The following CLSTN1 variants were observed in gnomAD, a reference collection of about 807,000 sequenced individuals.
The protein encoded by CLSTN1 is calsyntenin 1, also known as calsyntenin-1.
CLSTN1 carries 28 observed loss-of-function variants against 108.3 expected under a neutral mutation model. The observed-to-expected ratio is 0.26, with a 90% CI of 0.19 to 0.35. The LOEUF is 0.35. CLSTN1 is among the 10% of genes least tolerant of loss of function. The pLI, the probability that CLSTN1 is intolerant of heterozygous loss-of-function variation, is 1.00. For synonymous variants in CLSTN1, 524 were observed against 534.9 expected (o/e 0.98, Z 0.28); for missense variants, 1,157 against 1,302.6 (o/e 0.89, Z 1.72).
rs1654469718 is a variant in CLSTN1 at position 9,805,580 on chromosome 1, A to G, written c.91+18063T>C. Reference sequence around the variant, plus strand: ...AGTTAATTTTCACTAAAAATGTGTTATTTAGGTTGGGCACAATGGCTCACA... The same window carrying G: ...AGTTAATTTTCACTAAAAATGTGTTGTTTAGGTTGGGCACAATGGCTCACA... On this transcript the variant is annotated intron_variant, in intron 1 of 18. Transcript: ENST00000377298. Among the ~76,000 whole-genome samples, 9 of 152,252 alleles carry G rather than the reference A, an allele frequency of 5.9e-5. No individual in the cohort carries two copies. In the South Asian group the frequency reaches 1.7e-3, roughly 28 times the overall value.
At position 9,749,592 on chromosome 1, in the gene CLSTN1, G is replaced by C; in HGVS notation, c.854C>G (p.Pro285Arg). Residue 285 changes from proline (P) to arginine (R), a missense_variant, in exon 7 of 19, where the codon CCA becomes CGA. By Grantham distance (103) the Pro-to-Arg change is moderately radical. Transcript: ENST00000377298. ...EPGTGALAVF[P>R]NIHLETCDEP... is the part of the protein sequence containing the mutation. ...GTCACATGTCTCCAGGTGGATATTT[G>C]GAAAGACGGCCAACGCGCCGGTGCC... is the stretch of plus-strand genomic sequence containing the variant. 6.2e-7 allele frequency: 1 copy of C among 1,614,192 alleles called. No individual in the cohort carries two copies.
At chr1:9,731,489 A>G (rs1357873087) in intron 17 of CLSTN1, 99 bp from the exon 18 acceptor site, 1 of 1,263,452 alleles carries the variant, frequency 7.9e-7, no homozygotes, top group East Asian at 2.5e-5. Context: ...CGGGCTGGAC[A>G]GCACGCTTCA....
intron 4 of CLSTN1, among the ~76,000 whole-genome samples, chr1:9,752,168 A>C (rs527684710): frequency 1.3e-5 from 2 of 152,336 alleles, no homozygotes; most frequent in African/African-American, 4.8e-5. Flanking sequence ...ATTCTGTCCT[A>C]CTTCTAGGGA....
At chr1:9,742,145 A>T (rs897044758) in intron 9 of CLSTN1, among the ~76,000 whole-genome samples, 1 of 152,224 alleles carries the variant, frequency 6.6e-6, no homozygotes, top group Non-Finnish European at 1.5e-5. Flanking sequence ...GTAAACACAA[A>T]AACATTTATG....
Position 9,775,867 on chromosome 1 carries a change from C to CGGTG in CLSTN1, c.92-2474_92-2473insCACC, listed in dbSNP as rs1256422728. Reference sequence around the variant, plus strand: ...TACCTCTGCTGTACCTGCACTTTCCCCAGAGTGGCACCCAGGGAGGGGGGT... The same window carrying CGGTG: ...TACCTCTGCTGTACCTGCACTTTCCCGGTGCAGAGTGGCACCCAGGGAGGGGGGT... On this transcript the variant is annotated intron_variant, in intron 1 of 18. Coordinates refer to ENST00000377298, the MANE Select transcript of CLSTN1 (RefSeq NM_001009566.3). Among the ~76,000 whole-genome samples, 348 of 152,244 alleles carry CGGTG rather than the reference C, an allele frequency of 2.3e-3. 1 individual carries two copies. The highest frequency in any genetic ancestry group is 7.9e-3 in the African/African-American group (327 of 41,526).
At chr1:9,769,066 GGA>G (rs1196007933) in intron 2 of CLSTN1, among the ~76,000 whole-genome samples, 1 of 145,474 alleles carries the variant, frequency 6.9e-6, no homozygotes, top group Admixed American at 6.9e-5. Flanking sequence ...GGAGAGGGAG[GGA>G]GAGAGGAAGG....
At position 9,730,536 on chromosome 1, in the gene CLSTN1, T is replaced by A. The variant is rs767325519; in HGVS notation, c.2918A>T (p.Glu973Val). The change falls in exon 19 of 19, where the codon GAG becomes GTG. Residue 973 changes from glutamate (E) to valine (V), a missense_variant. Coordinates refer to ENST00000377298, the MANE Select transcript of CLSTN1 (RefSeq NM_001009566.3). The surrounding 1 kb of genome is among the most constrained non-coding windows in gnomAD (Gnocchi z 5.6). Reference protein sequence around the residue: ...PQNATRQQQLEWDDSTLSY With the variant: ...PQNATRQQQLVWDDSTLSY Reference sequence around the variant, plus strand: ...GTAGCTGAGGGTGGAGTCATCCCACTCCAGCTGCTGCTGCCGGGTTGCGTT... The same window carrying A: ...GTAGCTGAGGGTGGAGTCATCCCACACCAGCTGCTGCTGCCGGGTTGCGTT... 1 of 1,606,200 alleles carries A rather than the reference T, an allele frequency of 6.2e-7. No homozygotes were observed. Among genetic ancestry groups the A allele is most frequent in the South Asian group, 1.1e-5 (1 of 91,046 alleles).
In CLSTN1 at chr1:9,816,140, ATG is replaced by A. The variant is rs1443397752; in HGVS notation, c.91+7501_91+7502del. 2.6e-5 allele frequency among the ~76,000 whole-genome samples: 4 copies of A among 152,214 alleles called. No homozygotes were observed. In the East Asian group the frequency reaches 7.7e-4, roughly 29 times the overall value. On this transcript the variant is annotated intron_variant, in intron 1 of 18. Coordinates refer to ENST00000377298, the MANE Select transcript of CLSTN1 (RefSeq NM_001009566.3). ...ATCAGTGAATAAATGGATAAACAGA[ATG>A]TGTTATATCCCTACAAGGATATATT...
intron 16 of CLSTN1, among the ~76,000 whole-genome samples, chr1:9,732,389 A>G (rs1178185468): frequency 6.6e-6 from 1 of 152,142 alleles, no homozygotes; most frequent in African/African-American, 2.4e-5. Flanking sequence ...GCATTTTATA[A>G]AAGATTATGC....
At chr1:9,740,138 C>T (rs1650902526) in intron 10 of CLSTN1, among the ~76,000 whole-genome samples, 1 of 151,194 alleles carries the variant, frequency 6.6e-6, no homozygotes, top group Non-Finnish European at 1.5e-5. Context: ...TTGGCTCATG[C>T]AGCCTCTGCC....
chr1:9,775,023 A>C (rs931258319), intron 1 of CLSTN1, among the ~76,000 whole-genome samples: 1 of 152,030 alleles, frequency 6.6e-6, no homozygotes, highest in Non-Finnish European at 1.5e-5. Flanking sequence ...TTAGCATGCT[A>C]ATGTATTTTA....
intron 1 of CLSTN1, among the ~76,000 whole-genome samples, chr1:9,795,431 G>A (rs866896628): frequency 1.3e-5 from 2 of 151,206 alleles, no homozygotes; most frequent in Non-Finnish European, 2.9e-5. Flanking sequence ...CTCCCAAAGT[G>A]CTGGGATTAT....
At chr1:9,748,986 C>T (rs771346383) in intron 7 of CLSTN1, among the ~76,000 whole-genome samples, 1 of 152,020 alleles carries the variant, frequency 6.6e-6, no homozygotes, top group Non-Finnish European at 1.5e-5. Flanking sequence ...CTCACTGCAG[C>T]CTCAACCTCC....
At chr1:9,781,094 A>C in intron 1 of CLSTN1, 5 of 691,438 alleles carry the variant, frequency 7.2e-6, no homozygotes, top group Non-Finnish European at 2.6e-6. Flanking sequence ...GATTTCAAGA[A>C]TTTAGAATGC....
chr1:9,770,937 G>A (rs1380338831), intron 2 of CLSTN1, among the ~76,000 whole-genome samples: 1 of 152,142 alleles, frequency 6.6e-6, no homozygotes. Flanking sequence ...AGGTTGCAGT[G>A]AGCCGAAATT....
In CLSTN1 at chr1:9,823,734, CG is replaced by C; in HGVS notation, c.-2del. The C allele has an allele frequency of 9.4e-7, 1 of 1,060,780 alleles. No homozygotes were observed. Among genetic ancestry groups the C allele is most frequent in the Non-Finnish European group, 1.1e-6 (1 of 880,308 alleles). 65.7% of individuals were successfully genotyped at this position (1,060,780 alleles called of 1,614,324 possible). Reference sequence around the variant, plus strand: ...GCGCGGGAGCGGGGCGGCGCAGCATCGCCAGCCCGGGGCGGGAGCGGCAGGG... The same window carrying C: ...GCGCGGGAGCGGGGCGGCGCAGCATCCCAGCCCGGGGCGGGAGCGGCAGGG... On this transcript the variant is annotated 5_prime_UTR_variant, in exon 1 of 19. Coordinates refer to ENST00000377298, the MANE Select transcript of CLSTN1 (RefSeq NM_001009566.3). This position sits in a 1 kb window ranked among gnomAD's most constrained non-coding sequence, Gnocchi z 6.3.
At chr1:9,746,006 G>C (rs780446156) in intron 7 of CLSTN1, among the ~76,000 whole-genome samples, 1 of 151,932 alleles carries the variant, frequency 6.6e-6, no homozygotes, top group African/African-American at 2.4e-5. Context: ...GGGCTCAAGC[G>C]ATCCATCTGC....
chr1:9,735,711 C>G, intron 12 of CLSTN1, 96 bp from the exon 13 acceptor site: 1 of 1,539,420 alleles, frequency 6.5e-7, no homozygotes, highest in South Asian at 1.2e-5. Flanking sequence ...GGCCTGGGTT[C>G]GATTTGAATT....
chr1:9,792,313 T>A (rs777989350), intron 1 of CLSTN1, among the ~76,000 whole-genome samples: 4 of 151,336 alleles, frequency 2.6e-5, no homozygotes, highest in Admixed American at 6.7e-5. Context: ...CCTAAACAAC[T>A]CTCATATGCC....
Sources: allele counts gnomAD v4.1 joint callset (sites outside exome capture counted in the v4.1 genomes callset), GRCh38; gene constraint gnomAD v4.1.1; non-coding constraint Gnocchi (gnomAD v3.1); transcripts MANE v1.5; gene names NCBI Gene and HGNC (gene_info 2026-07-23, HGNC 2026-07-21).